Variants in SLC16A12 observed in about 807,000 individuals in gnomAD.
SLC16A12 encodes solute carrier family 16 member 12.
Under a neutral mutation model 42.4 loss-of-function variants are expected in SLC16A12, and 17 were observed. That is an observed-to-expected ratio of 0.40 (90% CI 0.27 to 0.60). The LOEUF (loss-of-function observed/expected upper bound fraction) is 0.60. Ranked by LOEUF, SLC16A12 falls within the 20% of genes least tolerant of loss-of-function variation. SLC16A12 has a pLI of 0.42. For missense variants in SLC16A12, 544 were observed against 623.0 expected (o/e 0.87, Z 1.35); for synonymous variants, 224 against 229.4 (o/e 0.98, Z 0.21).
intron 2 of SLC16A12, among the ~76,000 whole-genome samples, chr10:89,513,205 C>T (rs1450786753): frequency 1.3e-5 from 2 of 152,066 alleles, no homozygotes; most frequent in Non-Finnish European, 2.9e-5. Flanking sequence ...ATCATTTAAT[C>T]TATATTGCTC....
chr10:89,530,630 A>G (rs951050442), intron 2 of SLC16A12, among the ~76,000 whole-genome samples: 9 of 152,092 alleles, frequency 5.9e-5, no homozygotes, highest in African/African-American at 1.9e-4. Context: ...CGTGTTAGCC[A>G]GGATGCTCTC....
At chr10:89,474,268 A>G (rs1342320520) in intron 2 of SLC16A12, among the ~76,000 whole-genome samples, 1 of 152,110 alleles carries the variant, frequency 6.6e-6, no homozygotes, top group Non-Finnish European at 1.5e-5. Flanking sequence ...TTTAACTCCC[A>G]GAGCAAGTCA....
chr10:89,481,355 T>C (rs1664125620), intron 2 of SLC16A12, among the ~76,000 whole-genome samples: 2 of 152,192 alleles, frequency 1.3e-5, no homozygotes, highest in Admixed American at 1.3e-4. Flanking sequence ...TTTTTTTCCA[T>C]TTAACATCAG....
At chr10:89,520,160 A>G (rs1843329898) in intron 2 of SLC16A12, among the ~76,000 whole-genome samples, 1 of 152,152 alleles carries the variant, frequency 6.6e-6, no homozygotes. Flanking sequence ...CTCAAATAGC[A>G]CTACAAGTAT....
intron 3 of SLC16A12, among the ~76,000 whole-genome samples, chr10:89,457,185 C>A (rs1842208637): frequency 1.3e-5 from 2 of 152,040 alleles, no homozygotes; most frequent in African/African-American, 2.4e-5. Context: ...TCAGAGTGAA[C>A]AGACAACCTA....
At chr10:89,433,455 AAG>A (rs1841725791) in intron 7 of SLC16A12, 129 bp from the exon 8 acceptor site, 1 of 948,800 alleles carries the variant, frequency 1.1e-6, no homozygotes, top group African/African-American at 1.6e-5. Flanking sequence ...TTGAAACAAA[AAG>A]AGGTCACCTA....
At chr10:89,528,172 G>A (rs1425609127) in intron 2 of SLC16A12, among the ~76,000 whole-genome samples, 5 of 152,148 alleles carry the variant, frequency 3.3e-5, no homozygotes, top group Non-Finnish European at 7.3e-5. Context: ...CTGCACTCCA[G>A]CCTGGGTGAC....
chr10:89,534,816 G>C (rs1237466563), intron 1 of SLC16A12, among the ~76,000 whole-genome samples, 176 bp from the exon 2 acceptor site: 1 of 152,028 alleles, frequency 6.6e-6, no homozygotes, highest in Non-Finnish European at 1.5e-5. Context: ...GCGACAGAGC[G>C]AGACCTTGTC....
intron 7 of SLC16A12, among the ~76,000 whole-genome samples, chr10:89,434,420 G>A (rs1841745373): frequency 6.6e-6 from 1 of 152,294 alleles, no homozygotes; most frequent in South Asian, 2.1e-4. Context: ...AAAGGTTGGT[G>A]AGCACTAAAA....
At chr10:89,523,704 C>G (rs1333832238) in intron 2 of SLC16A12, among the ~76,000 whole-genome samples, 1 of 152,178 alleles carries the variant, frequency 6.6e-6, no homozygotes, top group Admixed American at 6.5e-5. Context: ...GGTACCATGA[C>G]AGCTGCTAGG....
intron 2 of SLC16A12, among the ~76,000 whole-genome samples, chr10:89,520,278 A>G (rs146868030): frequency 6.6e-6 from 1 of 152,350 alleles, no homozygotes; most frequent in African/African-American, 2.4e-5. Context: ...GAAAACTATC[A>G]TAACAATATA....
At chr10:89,473,465 A>G (rs914917544) in intron 2 of SLC16A12, among the ~76,000 whole-genome samples, 4 of 152,234 alleles carry the variant, frequency 2.6e-5, no homozygotes, top group Non-Finnish European at 5.9e-5. Flanking sequence ...GGAAGAAAAC[A>G]GAGGGAAAAA....
chr10:89,453,612 A>G (rs1247830892), intron 3 of SLC16A12, among the ~76,000 whole-genome samples: 4 of 152,242 alleles, frequency 2.6e-5, no homozygotes, highest in African/African-American at 7.2e-5. Context: ...AGGTTATACG[A>G]CATAGCCTAG....
At chr10:89,454,112 G>A (rs541265358) in intron 3 of SLC16A12, among the ~76,000 whole-genome samples, 14 of 151,732 alleles carry the variant, frequency 9.2e-5, no homozygotes, top group East Asian at 1.9e-4. Flanking sequence ...TTGACCTCCC[G>A]GGCTCAAGCG....
chr10:89,466,056 T>C (rs749027398), intron 2 of SLC16A12, among the ~76,000 whole-genome samples: 5 of 152,150 alleles, frequency 3.3e-5, no homozygotes, highest in Non-Finnish European at 5.9e-5. Flanking sequence ...AAGATCTGGG[T>C]TCTGACTCTG....
intron 2 of SLC16A12, among the ~76,000 whole-genome samples, chr10:89,486,505 T>A (rs1842742503): frequency 6.7e-6 from 1 of 148,228 alleles, no homozygotes; most frequent in Non-Finnish European, 1.5e-5. Flanking sequence ...GGTCGGAGGA[T>A]CCCTTGAATC....
chr10:89,449,858 A>G (rs1842064429), intron 3 of SLC16A12, among the ~76,000 whole-genome samples: 1 of 152,254 alleles, frequency 6.6e-6, no homozygotes, highest in African/African-American at 2.4e-5. Flanking sequence ...CAATCCAGTC[A>G]TCTGACAAAC....
intron 2 of SLC16A12, among the ~76,000 whole-genome samples, chr10:89,473,770 T>C (rs1482314173): frequency 8.7e-6 from 1 of 114,720 alleles, no homozygotes; most frequent in Non-Finnish European, 2.0e-5. Flanking sequence ...TGAAGCTCTT[T>C]GATCTACACA....
chr10:89,475,705 A>G (rs1842567438), intron 2 of SLC16A12, among the ~76,000 whole-genome samples: 1 of 152,200 alleles, frequency 6.6e-6, no homozygotes, highest in Non-Finnish European at 1.5e-5. Flanking sequence ...AAACTGAAAC[A>G]CTGACCTTTG....
Sources: gnomAD v4.1 joint callset for allele counts (sites outside exome capture counted in the v4.1 genomes callset) on GRCh38, gnomAD v4.1.1 for gene constraint, MANE v1.5 for transcripts, NCBI Gene and HGNC (gene_info 2026-07-23, HGNC 2026-07-21) for gene names.